Variants in CSTPP1 observed in about 807,000 individuals in gnomAD.
CSTPP1 encodes the protein centriolar satellite-associated tubulin polyglutamylase complex regulator 1, also known as UPF0705 protein C11orf49.
the CSTPP1 span, among the ~76,000 whole-genome samples, chr11:47,107,744 G>A: frequency 3.3e-5 from 5 of 152,166 alleles, no homozygotes; most frequent in Admixed American, 6.5e-5. Context: ...TCTGGGAATT[G>A]AAGCACATTG....
At chr11:47,069,378 ATG>A in the CSTPP1 span, among the ~76,000 whole-genome samples, 1 of 152,198 alleles carries the variant, frequency 6.6e-6, no homozygotes, top group Admixed American at 6.5e-5. Context: ...TCTGAGATGA[ATG>A]TATGATTTTG....
chr11:47,121,836 A>G, the CSTPP1 span, among the ~76,000 whole-genome samples: 377 of 151,792 alleles, frequency 2.5e-3, 4 homozygotes, highest in Non-Finnish European at 3.6e-3. Flanking sequence ...TATAATCCCA[A>G]CACTTTGGGA....
the CSTPP1 span, among the ~76,000 whole-genome samples, chr11:47,158,563 GTC>G: frequency 6.6e-6 from 1 of 152,280 alleles, no homozygotes; most frequent in East Asian, 1.9e-4. Flanking sequence ...TTGGGACAGA[GTC>G]TCGCTCTGTT....
chr11:47,077,917 A>G, the CSTPP1 span, among the ~76,000 whole-genome samples: 1 of 152,238 alleles, frequency 6.6e-6, no homozygotes, highest in Non-Finnish European at 1.5e-5. Flanking sequence ...CGAGAAAGAA[A>G]TAATCATTCT....
the CSTPP1 span, among the ~76,000 whole-genome samples, chr11:46,989,464 A>G: frequency 6.6e-6 from 1 of 151,986 alleles, no homozygotes; most frequent in Non-Finnish European, 1.5e-5. Flanking sequence ...GCTCAGCTAA[A>G]TTTAAAATTT....
chr11:47,012,948 T>C, the CSTPP1 span, among the ~76,000 whole-genome samples: 1 of 150,282 alleles, frequency 6.7e-6, no homozygotes, highest in African/African-American at 2.4e-5. Context: ...ATTTAGAAAA[T>C]ACTTGACCCT....
chr11:47,087,076 T>TA, the CSTPP1 span, among the ~76,000 whole-genome samples: 1 of 152,146 alleles, frequency 6.6e-6, no homozygotes, highest in Admixed American at 6.5e-5. Context: ...TAGTCATACT[T>TA]AAAGTGTGCT....
chr11:47,092,330 C>T, the CSTPP1 span, among the ~76,000 whole-genome samples: 1 of 152,102 alleles, frequency 6.6e-6, no homozygotes, highest in Non-Finnish European at 1.5e-5. Context: ...GATCAATAAA[C>T]TTGTAGAAAA....
the CSTPP1 span, among the ~76,000 whole-genome samples, chr11:47,070,978 T>C: frequency 6.6e-6 from 1 of 152,134 alleles, no homozygotes; most frequent in African/African-American, 2.4e-5. Context: ...TGTTTTTGCT[T>C]TCCCACCATG....
At chr11:47,161,781 G>A in the CSTPP1 span, 6 of 1,420,466 alleles carry the variant, frequency 4.2e-6, no homozygotes, top group Non-Finnish European at 4.6e-6. Context: ...ACCAGCCAGA[G>A]GGGCTCTGAT....
the CSTPP1 span, among the ~76,000 whole-genome samples, chr11:47,069,018 T>G: frequency 6.6e-6 from 1 of 152,138 alleles, no homozygotes; most frequent in Non-Finnish European, 1.5e-5. Flanking sequence ...AGGTTGATAG[T>G]GTGTGTATAT....
the CSTPP1 span, among the ~76,000 whole-genome samples, chr11:46,983,903 C>T: frequency 6.6e-6 from 1 of 152,226 alleles, no homozygotes; most frequent in African/African-American, 2.4e-5. Context: ...TTCTTCCCTT[C>T]ACCCACACGT....
chr11:47,047,802 C>T, the CSTPP1 span, among the ~76,000 whole-genome samples: 3 of 152,114 alleles, frequency 2.0e-5, no homozygotes, highest in Non-Finnish European at 4.4e-5. Flanking sequence ...TAAAGAACTC[C>T]TGCAACTCAA....
At chr11:47,094,358 G>T in the CSTPP1 span, among the ~76,000 whole-genome samples, 114 of 152,278 alleles carry the variant, frequency 7.5e-4, no homozygotes, top group Middle Eastern at 6.8e-3. Context: ...TAAAGTTACA[G>T]TTATGCAAGA....
chr11:47,054,994 A>G, the CSTPP1 span, among the ~76,000 whole-genome samples: 2 of 144,558 alleles, frequency 1.4e-5, no homozygotes, highest in Non-Finnish European at 3.0e-5. Flanking sequence ...AGGCAGGAAT[A>G]CAATGACACA....
the CSTPP1 span, among the ~76,000 whole-genome samples, chr11:47,120,488 G>C: frequency 1.3e-5 from 2 of 152,194 alleles, no homozygotes; most frequent in Non-Finnish European, 2.9e-5. This position sits in a 1 kb window ranked among gnomAD's most constrained non-coding sequence, Gnocchi z 4.2. Context: ...CTATGATCCT[G>C]TGATTCCCAA....
At chr11:47,011,230 C>T in the CSTPP1 span, among the ~76,000 whole-genome samples, 2 of 152,144 alleles carry the variant, frequency 1.3e-5, no homozygotes, top group African/African-American at 4.8e-5. Flanking sequence ...ATTTAAAATA[C>T]ATTTTTATTA....
chr11:47,149,313 G>A, the CSTPP1 span, among the ~76,000 whole-genome samples: 1 of 152,226 alleles, frequency 6.6e-6, no homozygotes, highest in Non-Finnish European at 1.5e-5. Flanking sequence ...CAAAGCAGGG[G>A]CGGCCGGGCA....
At chr11:47,101,164 A>AT in the CSTPP1 span, among the ~76,000 whole-genome samples, 615 of 30,264 alleles carry the variant, frequency 0.02, 81 homozygotes, top group African/African-American at 0.098. Flanking sequence ...ACACCGGCTA[A>AT]TTTTTTTTTT....
Sources: gnomAD v4.1 joint callset for allele counts (sites outside exome capture counted in the v4.1 genomes callset) on GRCh38, gnomAD v4.1.1 for gene constraint, Gnocchi (gnomAD v3.1) non-coding constraint, MANE v1.5 for transcripts, NCBI Gene and HGNC (gene_info 2026-07-23, HGNC 2026-07-21) for gene names.